The following MTCH2 variants were observed in gnomAD, a reference collection of about 807,000 sequenced individuals.
MTCH2 encodes the protein mitochondrial carrier 2.
Under a neutral mutation model 50.6 loss-of-function variants are expected in MTCH2, and 25 were observed. The observed-to-expected ratio is 0.49, with a 90% CI of 0.36 to 0.69. MTCH2 has a LOEUF of 0.69. Among genes scored for constraint, MTCH2 ranks in the 30% least tolerant of loss-of-function variants. The pLI, the probability that MTCH2 is intolerant of heterozygous loss-of-function variation, is 0.00. For missense variants in MTCH2, 273 were observed against 384.4 expected (o/e 0.71, Z 2.42); for synonymous variants, 106 against 132.0 (o/e 0.80, Z 1.35).
chr11:47,641,575 A>G (rs1031648318), intron 1 of MTCH2, among the ~76,000 whole-genome samples: 10 of 152,358 alleles, frequency 6.6e-5, no homozygotes, highest in African/African-American at 2.4e-4. Context: ...GATATAGCAA[A>G]GGAACTGGAA....
intron 3 of MTCH2, among the ~76,000 whole-genome samples, chr11:47,636,985 T>C (rs1166858168): frequency 7.0e-6 from 1 of 142,466 alleles, no homozygotes; most frequent in Non-Finnish European, 1.5e-5. Flanking sequence ...TTAGATGGAG[T>C]TTCACTCTTG....
intron 1 of MTCH2, among the ~76,000 whole-genome samples, chr11:47,639,869 A>G (rs2097312395): frequency 6.6e-6 from 1 of 152,020 alleles, no homozygotes; most frequent in Admixed American, 6.6e-5. Flanking sequence ...AACAAACAAA[A>G]AAACACAGGC....
chr11:47,621,784 T>A (rs1406540078), intron 12 of MTCH2, among the ~76,000 whole-genome samples: 1 of 152,074 alleles, frequency 6.6e-6, no homozygotes, highest in Non-Finnish European at 1.5e-5. Context: ...CAGGCTGGCC[T>A]CAAACTCCTG....
chr11:47,634,769 A>ATTTTTTTTTTTT, intron 4 of MTCH2, 35 bp from the exon 5 acceptor site: 2 of 739,352 alleles, frequency 2.7e-6, no homozygotes, highest in Non-Finnish European at 3.9e-6. Flanking sequence ...AGAGATCTTG[A>ATTTTTTTTTTTT]TTTTTTTTTT....
At chr11:47,625,238 T>C (rs558313046) in intron 11 of MTCH2, among the ~76,000 whole-genome samples, 72 of 151,894 alleles carry the variant, frequency 4.7e-4, no homozygotes, top group Middle Eastern at 3.4e-3. Context: ...CTGGCCAACA[T>C]GGTGAAACCC....
the MTCH2 span, among the ~76,000 whole-genome samples, chr11:47,606,923 G>C: frequency 3.3e-5 from 5 of 152,222 alleles, no homozygotes; most frequent in Non-Finnish European, 5.9e-5. Flanking sequence ...GCAGTCTCCA[G>C]CTCAGTGCCT....
At chr11:47,623,913 G>A (rs1383627936) in intron 11 of MTCH2, among the ~76,000 whole-genome samples, 1 of 152,158 alleles carries the variant, frequency 6.6e-6, no homozygotes, top group Non-Finnish European at 1.5e-5. Flanking sequence ...TTAGCCGGGG[G>A]TGGTGGCAAG....
rs747946140 is a variant in MTCH2 at position 47,627,127 on chromosome 11, C to A, written c.634G>T (p.Val212Phe). ...LVNTYALDSG[V>F]STMNEMKSYS... ...CTCTTCATTTCATTCATGGTAGAAA[C>A]CTAAAATAGGAAAAGAGCCTTAAAT... Residue 212 changes from valine to phenylalanine, a missense_variant and splice_region_variant, in exon 10 of 13, where the codon GTT (valine) becomes TTT (phenylalanine). Transcript: ENST00000302503. 9 of 1,593,014 alleles carry A rather than the reference C, an allele frequency of 5.6e-6. No individual in the cohort carries two copies. The highest frequency in any genetic ancestry group is 7.7e-6 in the Non-Finnish European group (9 of 1,165,946).
chr11:47,636,000 C>T (rs986559774), intron 3 of MTCH2, among the ~76,000 whole-genome samples: 3 of 151,816 alleles, frequency 2.0e-5, no homozygotes, highest in Non-Finnish European at 4.4e-5. Flanking sequence ...TTGGGGCGCA[C>T]GCTTTTAATC....
intron 5 of MTCH2, among the ~76,000 whole-genome samples, chr11:47,632,167 G>A (rs1195698604): frequency 6.6e-6 from 1 of 151,760 alleles, no homozygotes; most frequent in East Asian, 1.9e-4. Flanking sequence ...CACATTTTTG[G>A]GAGAAGAGAA....
the MTCH2 span, among the ~76,000 whole-genome samples, chr11:47,609,564 T>G: frequency 4.3e-5 from 6 of 137,994 alleles, no homozygotes; most frequent in African/African-American, 1.7e-4. Context: ...GAGACGGAGG[T>G]TGCAGTGAGT....
intron 8 of MTCH2, among the ~76,000 whole-genome samples, chr11:47,630,122 G>A (rs903834441): frequency 1.3e-5 from 2 of 152,056 alleles, no homozygotes; most frequent in Non-Finnish European, 2.9e-5. Context: ...TCCACCTCCC[G>A]GGTTCATGCA....
intron 5 of MTCH2, among the ~76,000 whole-genome samples, chr11:47,633,630 G>A (rs997690631): frequency 6.2e-5 from 9 of 144,686 alleles, no homozygotes; most frequent in African/African-American, 2.3e-4. Context: ...TCTGCCTCCC[G>A]GGTTCAAGCC....
At chr11:47,636,623 G>A (rs139357300) in intron 3 of MTCH2, among the ~76,000 whole-genome samples, 6,209 of 150,796 alleles carry the variant, frequency 0.041, 419 homozygotes, top group African/African-American at 0.14. Context: ...TCCCAGCTAC[G>A]TGGGAAGCTG....
At chr11:47,630,829 T>C (rs2097302337) in intron 7 of MTCH2, among the ~76,000 whole-genome samples, 1 of 152,206 alleles carries the variant, frequency 6.6e-6, no homozygotes, top group Non-Finnish European at 1.5e-5. Context: ...TCAGGGGCTC[T>C]GCAACTTACT....
downstream of MTCH2, among the ~76,000 whole-genome samples, chr11:47,615,031 C>CT (rs61122824): frequency 1.6e-4 from 7 of 44,910 alleles, 1 homozygote; most frequent in African/African-American, 5.1e-4. Flanking sequence ...CCCAGTGAGG[C>CT]TTTTTTTTTT....
At chr11:47,639,197 A>T in intron 1 of MTCH2, 146 bp from the exon 2 acceptor site, 1 of 685,510 alleles carries the variant, frequency 1.5e-6, no homozygotes, top group Non-Finnish European at 2.4e-6. Context: ...ATGATGAAGC[A>T]TCATTCTTGT....
chr11:47,619,930 A>C (rs533208990), intron 12 of MTCH2, among the ~76,000 whole-genome samples: 58 of 152,162 alleles, frequency 3.8e-4, no homozygotes, highest in Non-Finnish European at 6.3e-4. Flanking sequence ...TACAAAAATT[A>C]GCCGGGCGTA....
chr11:47,608,446 A>C, the MTCH2 span, among the ~76,000 whole-genome samples: 6 of 152,258 alleles, frequency 3.9e-5, no homozygotes, highest in East Asian at 1.2e-3. Context: ...AGATGATGGA[A>C]TTAGTCTTGT....
Sources: gnomAD v4.1 joint callset for allele counts (sites outside exome capture counted in the v4.1 genomes callset) on GRCh38, gnomAD v4.1.1 for gene constraint, MANE v1.5 for transcripts, NCBI Gene and HGNC (gene_info 2026-07-23, HGNC 2026-07-21) for gene names.